Variants in ZNF536 observed in about 807,000 individuals in gnomAD.
ZNF536 encodes the protein zinc finger protein 536.
Under a neutral mutation model 84.5 loss-of-function variants are expected in ZNF536, and 13 were observed. That is an observed-to-expected ratio of 0.15 (90% CI 0.10 to 0.24). ZNF536 has a LOEUF of 0.24. Ranked by LOEUF, ZNF536 falls within the 10% of genes least tolerant of loss-of-function variation. The probability of loss-of-function intolerance (pLI) is 1.00; values close to 1 mark genes in which losing one functional copy is unlikely to be tolerated. For synonymous variants in ZNF536, 811 were observed against 742.5 expected, an observed-to-expected ratio of 1.09 and a Z score of -1.50; for missense variants, 1,536 against 1,747.5, an observed-to-expected ratio of 0.88 and a Z score of 2.16.
chr19:30,523,495 A>T (rs1190959997), intron 2 of ZNF536, among the ~76,000 whole-genome samples: 6 of 152,014 alleles, frequency 3.9e-5, no homozygotes, highest in African/African-American at 1.2e-4. Context: ...TTGGACTGCA[A>T]ACCTCTCCGC....
At chr19:30,686,238 C>T (rs909442248) in intron 1 of ZNF536, among the ~76,000 whole-genome samples, 8 of 152,100 alleles carry the variant, frequency 5.3e-5, no homozygotes, top group Non-Finnish European at 7.4e-5. Context: ...CGAGCACCCC[C>T]CAACTCCCAG....
intron 1 of ZNF536, among the ~76,000 whole-genome samples, chr19:30,617,984 C>T (rs773243162): frequency 2.0e-4 from 31 of 152,242 alleles, no homozygotes; most frequent in Middle Eastern, 6.8e-3. Context: ...CTATTTTAAG[C>T]GAATGGAATT....
At chr19:30,389,149 G>A (rs1311530434) in intron 1 of ZNF536, among the ~76,000 whole-genome samples, 3 of 152,204 alleles carry the variant, frequency 2.0e-5, no homozygotes, top group African/African-American at 7.2e-5. Context: ...AGTTCACCCA[G>A]TCCGCACACG....
upstream of ZNF536, among the ~76,000 whole-genome samples, chr19:30,227,793 C>G (rs536658502): frequency 1.3e-5 from 2 of 151,986 alleles, no homozygotes; most frequent in South Asian, 2.1e-4. Flanking sequence ...CGACAGGGGC[C>G]GCGTTTGCTG....
chr19:30,267,345 A>G (rs1382556185), intron 1 of ZNF536, among the ~76,000 whole-genome samples: 1 of 152,206 alleles, frequency 6.6e-6, no homozygotes, highest in East Asian at 1.9e-4. Flanking sequence ...TGACTGTTCC[A>G]TAGACACTAG....
intron 1 of ZNF536, among the ~76,000 whole-genome samples, chr19:30,392,923 A>T (rs1280761161): frequency 6.6e-6 from 1 of 152,178 alleles, no homozygotes; most frequent in Non-Finnish European, 1.5e-5. Flanking sequence ...GATCTGTAGG[A>T]CTGTGTGAAT....
intron 1 of ZNF536, among the ~76,000 whole-genome samples, chr19:30,248,363 G>A (rs1015705308): frequency 1.2e-4 from 18 of 150,220 alleles, no homozygotes; most frequent in Non-Finnish European, 2.2e-4. Context: ...CCAAGGTGCT[G>A]GGATTACAGA....
intron 1 of ZNF536, among the ~76,000 whole-genome samples, chr19:30,401,813 C>A (rs1010106182): frequency 3.3e-5 from 5 of 152,082 alleles, no homozygotes; most frequent in African/African-American, 1.2e-4. Flanking sequence ...TAAAGGACTT[C>A]AAGGGAAAAG....
At chr19:30,609,773 C>CCATCCATCCAT (rs2048025141) in intron 1 of ZNF536, among the ~76,000 whole-genome samples, 5 of 136,752 alleles carry the variant, frequency 3.7e-5, no homozygotes, top group Admixed American at 3.6e-4. Flanking sequence ...CACCCATCTA[C>CCATCCATCCAT]CCATCCATCC....
rs1049238459 is a variant in ZNF536 at position 30,671,992 on chromosome 19, G to T, written c.170-38765G>T. Among the ~76,000 whole-genome samples the T allele has an allele frequency of 2.1e-4, 32 of 152,256 alleles. 1 individual carries two copies. The highest frequency in any genetic ancestry group is 7.5e-4 in the African/African-American group (31 of 41,542). Reference sequence around the variant, plus strand: ...TAGGACTTTACGGAGCGTGGTCACCGCCCTGGGACCCGGCCCACTCAGCCA... The same window carrying T: ...TAGGACTTTACGGAGCGTGGTCACCTCCCTGGGACCCGGCCCACTCAGCCA... On this transcript the variant is annotated intron_variant, in intron 1 of 1. Transcript: ENST00000592773.
chr19:30,451,832 A>G (rs1452155742), intron 2 of ZNF536, among the ~76,000 whole-genome samples: 2 of 152,162 alleles, frequency 1.3e-5, no homozygotes, highest in Non-Finnish European at 2.9e-5. Flanking sequence ...TCTCCTCCCT[A>G]TGCATGTTAG....
chr19:30,537,169 A>G (rs1568528337), intron 3 of ZNF536, among the ~76,000 whole-genome samples: 1 of 152,228 alleles, frequency 6.6e-6, no homozygotes, highest in South Asian at 2.1e-4. Flanking sequence ...GCACTCAGAA[A>G]GTATTTGCTG....
chr19:30,569,209 G>A (rs959639525), intron 1 of ZNF536, among the ~76,000 whole-genome samples: 2 of 151,830 alleles, frequency 1.3e-5, no homozygotes, highest in Non-Finnish European at 2.9e-5. Context: ...CTTTTTTTTT[G>A]TGTTGAGGTA....
chr19:30,480,464 C>G (rs778911187), intron 2 of ZNF536, among the ~76,000 whole-genome samples: 1 of 152,018 alleles, frequency 6.6e-6, no homozygotes, highest in African/African-American at 2.4e-5. Context: ...AACCAAACAC[C>G]GGATGTTCTC....
At chr19:30,288,247 G>A (rs1486079303) in intron 2 of ZNF536, among the ~76,000 whole-genome samples, 1 of 152,176 alleles carries the variant, frequency 6.6e-6, no homozygotes, top group Admixed American at 6.5e-5. Context: ...GTGACTGGAT[G>A]TCCGTCTCCT....
intron 1 of ZNF536, among the ~76,000 whole-genome samples, chr19:30,667,414 G>A (rs1038462440): frequency 2.0e-5 from 3 of 152,258 alleles, no homozygotes; most frequent in South Asian, 2.1e-4. Context: ...CACGCTATCA[G>A]CCTCTCCCTC....
intron 1 of ZNF536, among the ~76,000 whole-genome samples, chr19:30,259,534 G>A (rs1027080867): frequency 1.3e-5 from 2 of 152,178 alleles, no homozygotes; most frequent in Admixed American, 6.5e-5. Context: ...TCCTCTAGGT[G>A]ACTCTGATGC....
intron 1 of ZNF536, among the ~76,000 whole-genome samples, chr19:30,571,795 C>G (rs1426542023): frequency 6.6e-6 from 1 of 152,052 alleles, no homozygotes; most frequent in African/African-American, 2.4e-5. Context: ...TTTTAGGGCT[C>G]ATTGAGGCCT....
chr19:30,466,439 C>T (rs1430885769), intron 2 of ZNF536, among the ~76,000 whole-genome samples: 1 of 151,054 alleles, frequency 6.6e-6, no homozygotes, highest in African/African-American at 2.4e-5. Flanking sequence ...TGGTGCATGC[C>T]TGTAGTTGTA....
Sources: allele counts gnomAD v4.1 joint callset (sites outside exome capture counted in the v4.1 genomes callset), GRCh38; gene constraint gnomAD v4.1.1; transcripts MANE v1.5; gene names NCBI Gene and HGNC (gene_info 2026-07-23, HGNC 2026-07-21).